ABL1: variants seen among roughly 807,000 people sequenced by gnomAD.
The protein encoded by ABL1 is tyrosine-protein kinase ABL1.
A neutral mutation model predicts 94.7 loss-of-function variants in ABL1; 11 were observed. The observed-to-expected ratio is 0.12, with a 90% CI of 0.07 to 0.19. The LOEUF (loss-of-function observed/expected upper bound fraction) is 0.19, where lower values mean the gene tolerates loss of function less well. Among genes scored for constraint, ABL1 ranks in the 10% least tolerant of loss-of-function variants. The probability of loss-of-function intolerance (pLI) is 1.00; values close to 1 mark genes in which losing one functional copy is unlikely to be tolerated. For synonymous variants in ABL1, 656 were observed against 622.4 expected, an observed-to-expected ratio of 1.05 and a Z score of -0.80; for missense variants, 1,082 against 1,489.4, an observed-to-expected ratio of 0.73 and a Z score of 4.50.
At chr9:130,740,726 G>A (rs904147275) in intron 1 of ABL1, among the ~76,000 whole-genome samples, 4 of 151,618 alleles carry the variant, frequency 2.6e-5, no homozygotes, top group Non-Finnish European at 4.4e-5. Context: ...CACGATCATC[G>A]CTCACTTCAG....
Position 130,764,259 on chromosome 9 carries a change from TAGG to T in ABL1, c.136+49807_136+49809del, listed in dbSNP as rs908320261. On this transcript the variant is annotated intron_variant, in intron 1 of 10. Coordinates refer to the ABL1 transcript ENST00000372348. ...TTACCCCAGAAACCAGGGGAGAAAA[TAGG>T]AGCCGAGTTTTCTGGAGTGCGTTTC... Among the ~76,000 whole-genome samples, 39 of 152,220 alleles carry T rather than the reference TAGG, an allele frequency of 2.6e-4. 1 individual carries two copies. Among genetic ancestry groups the T allele is most frequent in the Admixed American group, 4.6e-4 (7 of 15,296 alleles).
chr9:130,745,102 G>A (rs1338231853), intron 1 of ABL1, among the ~76,000 whole-genome samples: 3 of 150,452 alleles, frequency 2.0e-5, no homozygotes, highest in South Asian at 4.2e-4. Flanking sequence ...TTTTTTGAGG[G>A]GGGCAGAGTT....
At chr9:130,750,176 CAA>C (rs1831937181) in intron 1 of ABL1, among the ~76,000 whole-genome samples, 1 of 107,022 alleles carries the variant, frequency 9.3e-6, no homozygotes. Flanking sequence ...GACCCTGACT[CAA>C]GAAAAAAAAA....
At chr9:130,759,687 A>G (rs1369325748) in intron 1 of ABL1, among the ~76,000 whole-genome samples, 1 of 152,194 alleles carries the variant, frequency 6.6e-6, no homozygotes, top group African/African-American at 2.4e-5. Context: ...CATACTAGCC[A>G]GGCATCTTTC....
intron 1 of ABL1, among the ~76,000 whole-genome samples, chr9:130,771,732 T>TTTTCTTTCTTTCTTTC (rs373455783): frequency 0.015 from 1,829 of 119,650 alleles, 80 homozygotes; most frequent in Middle Eastern, 0.032. Context: ...TCAAATGACT[T>TTTTCTTTCTTTCTTTC]TTTCTTTCTT....
At chr9:130,830,889 G>A (rs1008585406), upstream of ABL1, among the ~76,000 whole-genome samples, 2 of 152,308 alleles carry the variant, frequency 1.3e-5, no homozygotes, top group South Asian at 2.1e-4. Flanking sequence ...CTCAGCGCTA[G>A]CCTTTGTGAC....
intron 1 of ABL1, among the ~76,000 whole-genome samples, chr9:130,781,699 T>C (rs1588236622): frequency 6.6e-6 from 1 of 152,316 alleles, no homozygotes; most frequent in Admixed American, 6.5e-5. Flanking sequence ...TATCTATTAG[T>C]GTGTACTAAA....
upstream of ABL1, chr9:130,835,079 C>G (rs1830543955): frequency 3.3e-6 from 1 of 304,290 alleles, no homozygotes; most frequent in African/African-American, 2.3e-5. This position sits in a 1 kb window ranked among gnomAD's most constrained non-coding sequence, Gnocchi z 4.6. Flanking sequence ...CTTCCCCCTG[C>G]GAGGATCGCC....
intron 1 of ABL1, among the ~76,000 whole-genome samples, chr9:130,853,789 A>C (rs1830927429): frequency 6.6e-6 from 1 of 152,246 alleles, no homozygotes; most frequent in East Asian, 1.9e-4. Context: ...AATTTGACTA[A>C]AGTCATATTG....
At chr9:130,819,988 T>C (rs111829391) in intron 1 of ABL1, among the ~76,000 whole-genome samples, 5,360 of 152,024 alleles carry the variant, frequency 0.035, 299 homozygotes, top group African/African-American at 0.12. Flanking sequence ...CAGAGGACAC[T>C]TGGCTTCTCT....
intron 1 of ABL1, among the ~76,000 whole-genome samples, chr9:130,804,219 C>T (rs909654590): frequency 4.0e-5 from 6 of 151,824 alleles, no homozygotes; most frequent in African/African-American, 9.7e-5. Flanking sequence ...ATTAGCAGGG[C>T]GTGGTGGTGG....
chr9:130,810,285 C>T (rs1433956512), intron 1 of ABL1, among the ~76,000 whole-genome samples: 2 of 152,152 alleles, frequency 1.3e-5, no homozygotes, highest in African/African-American at 4.8e-5. Flanking sequence ...CACCTGAGGT[C>T]AGGAGTTCAA....
chr9:130,831,970 C>CCA (rs1163727201), upstream of ABL1, among the ~76,000 whole-genome samples: 1 of 152,070 alleles, frequency 6.6e-6, no homozygotes, highest in Non-Finnish European at 1.5e-5. Flanking sequence ...CAGATCCAGC[C>CCA]CATTACACAT....
At chr9:130,859,390 C>T (rs1831027047) in intron 3 of ABL1, among the ~76,000 whole-genome samples, 2 of 152,142 alleles carry the variant, frequency 1.3e-5, no homozygotes, top group Admixed American at 1.3e-4. Context: ...GTTTACCCGC[C>T]CTGACAGTGG....
At position 130,880,307 on chromosome 9, in the gene ABL1, G is replaced by A. The variant is rs895535371; in HGVS notation, c.1513+150G>A. 4.6e-6 allele frequency: 5 copies of A among 1,095,300 alleles called. No individual in the cohort carries two copies. The African/African-American group carries it at 7.8e-5, about 17-fold the overall frequency. The allele number at this position is 1,095,300 out of a possible 1,614,324, so 67.8% of individuals were successfully genotyped here. Reference sequence around the variant, plus strand: ...GCTGGGCAGAGGTGTGGAGTATTGTGCTTTCTTGTCTGCTGCAGCCCTGCA... The same window carrying A: ...GCTGGGCAGAGGTGTGGAGTATTGTACTTTCTTGTCTGCTGCAGCCCTGCA... On this transcript the variant is annotated intron_variant, in intron 9 of 10. Coordinates refer to ENST00000318560, the MANE Select transcript of ABL1 (RefSeq NM_005157.6). The surrounding 1 kb of genome is among the most constrained non-coding windows in gnomAD (Gnocchi z 4.4).
chr9:130,810,321 C>T (rs1247003789), intron 1 of ABL1, among the ~76,000 whole-genome samples: 1 of 152,120 alleles, frequency 6.6e-6, no homozygotes, highest in Non-Finnish European at 1.5e-5. Flanking sequence ...CATGGTGAAA[C>T]CCCACCTCTA....
intron 1 of ABL1, among the ~76,000 whole-genome samples, chr9:130,783,026 C>A (rs528126859): frequency 8.5e-5 from 13 of 152,328 alleles, no homozygotes; most frequent in African/African-American, 2.4e-4. Context: ...AGAACACTCT[C>A]TTACACCATC....
intron 1 of ABL1, among the ~76,000 whole-genome samples, chr9:130,792,992 C>T: frequency 6.6e-6 from 1 of 152,224 alleles, no homozygotes; most frequent in Non-Finnish European, 1.5e-5. Context: ...ATGGCACGAT[C>T]TCGGCTCACT....
chr9:130,880,230 C>T lies in ABL1; in HGVS notation c.1513+73C>T, dbSNP rs115595208. 650 of 1,472,450 alleles carry T rather than the reference C, an allele frequency of 4.4e-4. 2 individuals carry two copies. The African/African-American group carries it at 7.4e-3, about 17-fold the overall frequency. The allele number at this position is 1,472,450 out of a possible 1,614,324, so 91.2% of individuals were successfully genotyped here. On this transcript the variant is annotated intron_variant, in intron 9 of 10. Transcript: ENST00000318560. The surrounding 1 kb of genome is among the most constrained non-coding windows in gnomAD (Gnocchi z 4.4). ...ATGTGGGACTGCAGCCTGGGTCATT[C>T]GGTTCACTTCCTGGTGAAAGTTCAC... is the stretch of plus-strand genomic sequence containing the variant.
Sources: gnomAD v4.1 joint callset for allele counts (sites outside exome capture counted in the v4.1 genomes callset) on GRCh38, gnomAD v4.1.1 for gene constraint, Gnocchi (gnomAD v3.1) non-coding constraint, MANE v1.5 for transcripts, NCBI Gene and HGNC (gene_info 2026-07-23, HGNC 2026-07-21) for gene names.